SDK1: variants seen among roughly 807,000 people sequenced by gnomAD.
The protein encoded by SDK1 is protein sidekick-1.
A neutral mutation model predicts 245.5 loss-of-function variants in SDK1; 157 were observed. That is an observed-to-expected ratio of 0.64 (90% CI 0.56 to 0.73). The LOEUF is 0.73. SDK1 is among the 30% of genes least tolerant of loss of function. The pLI is 0.00. For synonymous variants in SDK1, 1,647 were observed against 1,278.5 expected, an observed-to-expected ratio of 1.29 and a Z score of -6.15; for missense variants, 3,583 against 3,002.3, an observed-to-expected ratio of 1.19 and a Z score of -4.52.
intron 1 of SDK1, among the ~76,000 whole-genome samples, chr7:3,360,292 A>G (rs1303700956): frequency 6.6e-6 from 1 of 152,324 alleles, no homozygotes. Context: ...AATTATATGC[A>G]ATCTGTTGAA....
intron 30 of SDK1, among the ~76,000 whole-genome samples, chr7:4,153,176 G>A (rs1005253522): frequency 2.6e-5 from 4 of 152,028 alleles, no homozygotes; most frequent in Admixed American, 6.5e-5. Flanking sequence ...AATGAGCATG[G>A]AAAACAGCAG....
At chr7:3,442,517 A>G (rs760913328) in intron 1 of SDK1, among the ~76,000 whole-genome samples, 10 of 152,230 alleles carry the variant, frequency 6.6e-5, no homozygotes, top group Admixed American at 1.3e-4. Context: ...TGGAGAATAT[A>G]CATTTTGGAA....
At chr7:3,858,771 C>G (rs1270660730) in intron 5 of SDK1, among the ~76,000 whole-genome samples, 2 of 149,458 alleles carry the variant, frequency 1.3e-5, no homozygotes, top group Admixed American at 6.7e-5. Context: ...ATTTGTGATA[C>G]TAGAATAAGA....
intron 30 of SDK1, among the ~76,000 whole-genome samples, chr7:4,151,887 G>C (rs957048772): frequency 6.6e-6 from 1 of 152,168 alleles, no homozygotes; most frequent in Admixed American, 6.5e-5. Flanking sequence ...GTCACATTCC[G>C]TGAGCCAGAG....
chr7:3,917,710 A>G (rs1313150477), intron 5 of SDK1, among the ~76,000 whole-genome samples: 1 of 152,204 alleles, frequency 6.6e-6, no homozygotes, highest in Non-Finnish European at 1.5e-5. Flanking sequence ...TTCTATTTCC[A>G]GAGCCCACAA....
At chr7:3,617,915 G>A (rs998503644) in intron 1 of SDK1, among the ~76,000 whole-genome samples, 4 of 152,178 alleles carry the variant, frequency 2.6e-5, no homozygotes, top group Non-Finnish European at 4.4e-5. Flanking sequence ...GGGTTTAAAT[G>A]TGCAAGAAGT....
intron 4 of SDK1, among the ~76,000 whole-genome samples, chr7:3,714,672 C>T (rs1214939942): frequency 2.6e-5 from 4 of 152,196 alleles, no homozygotes. Context: ...TACAGAACTG[C>T]TGTGTAATTA....
intron 22 of SDK1, among the ~76,000 whole-genome samples, chr7:4,092,709 G>A (rs1781887195): frequency 6.6e-6 from 1 of 152,198 alleles, no homozygotes; most frequent in African/African-American, 2.4e-5. Flanking sequence ...CCAGGGAGGT[G>A]ATGTCAGAGA....
At chr7:3,317,534 G>A (rs960542279) in intron 1 of SDK1, among the ~76,000 whole-genome samples, 2 of 151,698 alleles carry the variant, frequency 1.3e-5, no homozygotes, top group African/African-American at 4.9e-5. Context: ...CTGTTCCCTG[G>A]GTGCCTGCCA....
At chr7:3,374,566 A>T (rs1346020109) in intron 1 of SDK1, among the ~76,000 whole-genome samples, 1 of 152,082 alleles carries the variant, frequency 6.6e-6, no homozygotes, top group Non-Finnish European at 1.5e-5. Flanking sequence ...CAGGTCTTCC[A>T]ATTTAACCTA....
Position 3,301,616 on chromosome 7 carries a change from C to T in SDK1, c.30C>T (p.Ala10=), listed in dbSNP as rs1779259647. MARGARPSA[A]GGGGGGAEPP... is the part of the protein sequence containing the mutation. ...CCCGGGGCGCCCGGCCCTCGGCGGC[C>T]GGTGGCGGCGGCGGCGGCGCGGAGC... The change falls in exon 1 of 45, where the codon GCC becomes GCT. Residue 10 remains alanine, a synonymous_variant. Coordinates refer to ENST00000404826, the MANE Select transcript of SDK1 (RefSeq NM_152744.4). 2.1e-6 allele frequency: 2 copies of T among 975,442 alleles called. No homozygotes were observed. The allele number at this position is 975,442 out of a possible 1,614,324, so 60.4% of individuals were successfully genotyped here. A position where few individuals can be genotyped will look rare whatever the true frequency, so the allele number is the denominator to read the frequency against.
At chr7:4,055,529 G>C (rs1334558075) in intron 19 of SDK1, among the ~76,000 whole-genome samples, 1 of 139,614 alleles carries the variant, frequency 7.2e-6, no homozygotes, top group Non-Finnish European at 1.5e-5. Flanking sequence ...TTTTTGGTTT[G>C]TTTTTGTTGT....
At position 3,642,025 on chromosome 7, in the gene SDK1, C is replaced by T; in HGVS notation, c.633C>T (p.Asn211=). ...CTCAAGGACGTGCAGCGATTCTAAA[C>T]CTGCTGCCCATCACCAGCTACCCCA... is the stretch of plus-strand genomic sequence containing the variant. ...TVSQGRAAIL[N]LLPITSYPRP... Residue 211 remains asparagine (N), a synonymous_variant, in exon 4 of 45, where the codon AAC becomes AAT. Transcript: ENST00000404826. The T allele has an allele frequency of 2.5e-6, 4 of 1,613,510 alleles. No individual in the cohort carries two copies. Among genetic ancestry groups the T allele is most frequent in the Non-Finnish European group, 3.4e-6 (4 of 1,179,396 alleles).
At chr7:3,956,851 C>T (rs547305609) in intron 7 of SDK1, among the ~76,000 whole-genome samples, 3 of 152,312 alleles carry the variant, frequency 2.0e-5, no homozygotes, top group African/African-American at 7.2e-5. Context: ...AAGCCAGCTT[C>T]GGGTCACTGT....
intron 25 of SDK1, among the ~76,000 whole-genome samples, chr7:4,114,718 C>T (rs188422691): frequency 3.9e-5 from 6 of 152,248 alleles, no homozygotes; most frequent in Admixed American, 3.3e-4. Flanking sequence ...GTTTACTTCT[C>T]ACTCATATTG....
chr7:3,692,816 A>G (rs914718775), intron 4 of SDK1, among the ~76,000 whole-genome samples: 1 of 152,114 alleles, frequency 6.6e-6, no homozygotes, highest in African/African-American at 2.4e-5. Context: ...ACATGCCTTC[A>G]AGTGGTATTT....
chr7:3,330,577 A>G (rs1780042189), intron 1 of SDK1, among the ~76,000 whole-genome samples: 1 of 152,102 alleles, frequency 6.6e-6, no homozygotes, highest in Admixed American at 6.6e-5. Context: ...GCGTCTTGCC[A>G]TGTCATGATA....
At chr7:3,330,820 A>C (rs1386613591) in intron 1 of SDK1, among the ~76,000 whole-genome samples, 2 of 151,196 alleles carry the variant, frequency 1.3e-5, no homozygotes, top group Non-Finnish European at 3.0e-5. Flanking sequence ...AAAAAAAAAA[A>C]AAAAAAAACC....
At chr7:3,928,809 A>C (rs1434044444) in intron 5 of SDK1, among the ~76,000 whole-genome samples, 2 of 152,240 alleles carry the variant, frequency 1.3e-5, no homozygotes. Context: ...CCCGCTTTAC[A>C]GATGAGGAAA....
Sources: allele counts gnomAD v4.1 joint callset (sites outside exome capture counted in the v4.1 genomes callset), GRCh38; gene constraint gnomAD v4.1.1; transcripts MANE v1.5; gene names NCBI Gene and HGNC (gene_info 2026-07-23, HGNC 2026-07-21).